Variants in STARD13 observed in about 807,000 individuals in gnomAD.
STARD13 encodes the protein StAR related lipid transfer domain containing 13, also known as stAR-related lipid transfer protein 13.
In STARD13, 62 loss-of-function variants were observed where a neutral mutation model predicts 106.4. The ratio of observed to expected loss-of-function variants is 0.58; its 90% CI spans 0.48 to 0.72. STARD13 has a LOEUF of 0.72. STARD13 is among the 30% of genes least tolerant of loss of function. STARD13 has a pLI of 0.00. For synonymous variants in STARD13, 565 were observed against 553.0 expected, an observed-to-expected ratio of 1.02 and a Z score of -0.31; for missense variants, 1,387 against 1,424.0, an observed-to-expected ratio of 0.97 and a Z score of 0.42.
the STARD13 span, among the ~76,000 whole-genome samples, chr13:33,601,537 G>A: frequency 1.3e-5 from 2 of 152,264 alleles, no homozygotes; most frequent in East Asian, 3.9e-4. Flanking sequence ...CTGCTTTAAT[G>A]TTAGGCTTTC....
At chr13:33,223,588 G>A (rs1055022917) in intron 1 of STARD13, among the ~76,000 whole-genome samples, 2 of 152,044 alleles carry the variant, frequency 1.3e-5, no homozygotes, top group Non-Finnish European at 2.9e-5. Context: ...GAACCTGGGA[G>A]GTGGAGGTTG....
At chr13:33,411,824 C>T in the STARD13 span, among the ~76,000 whole-genome samples, 5 of 152,034 alleles carry the variant, frequency 3.3e-5, no homozygotes, top group Non-Finnish European at 7.4e-5. Context: ...TTTTCAAGTG[C>T]TGAAAGAAAT....
chr13:33,554,361 G>C, the STARD13 span, among the ~76,000 whole-genome samples: 1 of 152,148 alleles, frequency 6.6e-6, no homozygotes, highest in Admixed American at 6.5e-5. Context: ...CAATTTTGTA[G>C]CTGATTCGCA....
the STARD13 span, among the ~76,000 whole-genome samples, chr13:33,506,553 A>T: frequency 6.6e-6 from 1 of 152,310 alleles, no homozygotes; most frequent in African/African-American, 2.4e-5. Context: ...GATATTTTTG[A>T]TGTCATATAA....
the STARD13 span, among the ~76,000 whole-genome samples, chr13:33,361,072 C>T: frequency 4.0e-5 from 6 of 150,468 alleles, no homozygotes; most frequent in East Asian, 9.9e-4. Flanking sequence ...CCCAAAGTGC[C>T]GGGATTACAG....
chr13:33,105,867 T>A (rs1214708918), intron 13 of STARD13, among the ~76,000 whole-genome samples, 157 bp from the exon 14 acceptor site: 1 of 152,262 alleles, frequency 6.6e-6, no homozygotes, highest in African/African-American at 2.4e-5. Flanking sequence ...CATTCTGCCA[T>A]CAGGGGCCTT....
At chr13:33,280,663 T>C (rs149075584) in intron 1 of STARD13, 10 of 152,272 alleles carry the variant, frequency 6.6e-5, no homozygotes, top group African/African-American at 2.2e-4. Context: ...ACATTCCTAT[T>C]ACATCGATAT....
intron 1 of STARD13, chr13:33,277,575 A>C (rs1016343568): frequency 6.6e-6 from 1 of 152,130 alleles, no homozygotes; most frequent in Non-Finnish European, 1.5e-5. Flanking sequence ...ACTTCTGAAG[A>C]GTTTCTTGCT....
At chr13:33,662,893 A>G in the STARD13 span, among the ~76,000 whole-genome samples, 1 of 152,250 alleles carries the variant, frequency 6.6e-6, no homozygotes, top group African/African-American at 2.4e-5. Flanking sequence ...TTTGGTTTCC[A>G]TAGCAGTAAA....
intron 3 of STARD13, among the ~76,000 whole-genome samples, chr13:33,163,686 T>TATATATATATATAACATATATATAAAAC (rs1566038819): frequency 1.4e-3 from 92 of 64,858 alleles, no homozygotes; most frequent in Non-Finnish European, 1.2e-3. Context: ...ATATAAAACA[T>TATATATATATATAACATATATATAAAAC]ATATATATAT....
At chr13:33,649,375 C>G in the STARD13 span, among the ~76,000 whole-genome samples, 4 of 152,246 alleles carry the variant, frequency 2.6e-5, no homozygotes, top group East Asian at 5.8e-4. Context: ...CTTTGAGAGG[C>G]CTTCTCTGAT....
At position 33,118,202 on chromosome 13, in the gene STARD13, T is replaced by C; in HGVS notation, c.2144A>G (p.Glu715Gly). ...SRIHALRQMN[E>G]NFPENVNYED... ...ATAGTTGACGTTCTCAGGGAAGTTT[T>C]CATTCATTTGGCGAAGGGCATGGAT... The change falls in exon 8 of 14, where the codon GAA (glutamate) becomes GGA (glycine). Residue 715 changes from glutamate to glycine, a missense_variant. Transcript: ENST00000336934. The C allele has an allele frequency of 1.2e-6, 2 of 1,614,216 alleles. No individual in the cohort carries two copies. Among genetic ancestry groups the C allele is most frequent in the Non-Finnish European group, 1.7e-6 (2 of 1,180,036 alleles).
At chr13:33,155,441 T>A (rs1272066767) in intron 3 of STARD13, 1 of 152,244 alleles carries the variant, frequency 6.6e-6, no homozygotes, top group Non-Finnish European at 1.5e-5. Context: ...AGGCATTTTT[T>A]AAAACATTGC....
chr13:33,175,224 A>G (rs566361733), intron 1 of STARD13, among the ~76,000 whole-genome samples: 22 of 152,258 alleles, frequency 1.4e-4, no homozygotes, highest in Non-Finnish European at 2.6e-4. Context: ...GATTGTTCCA[A>G]TCAGGCGCTT....
the STARD13 span, among the ~76,000 whole-genome samples, chr13:33,444,718 G>T: frequency 6.6e-6 from 1 of 152,278 alleles, no homozygotes; most frequent in East Asian, 1.9e-4. Context: ...CAGTGAGCCA[G>T]TGTTCCCACC....
intron 1 of STARD13, among the ~76,000 whole-genome samples, chr13:33,258,609 C>A (rs1398151597): frequency 6.6e-6 from 1 of 152,166 alleles, no homozygotes; most frequent in Non-Finnish European, 1.5e-5. Flanking sequence ...TTCCGAGAAC[C>A]ATTCTTGCAA....
chr13:33,672,819 A>G, the STARD13 span, among the ~76,000 whole-genome samples: 3 of 152,248 alleles, frequency 2.0e-5, no homozygotes, highest in African/African-American at 7.2e-5. Flanking sequence ...CGACTAAATA[A>G]CATGCTATCC....
intron 1 of STARD13, 78 bp downstream of exon 1, chr13:33,285,391 AC>A: frequency 6.9e-7 from 1 of 1,455,836 alleles, no homozygotes; most frequent in Non-Finnish European, 9.3e-7. Flanking sequence ...AAACAAACAA[AC>A]AAAAAAAACT....
intron 1 of STARD13, among the ~76,000 whole-genome samples, chr13:33,263,957 A>T (rs2138334556): frequency 6.6e-6 from 1 of 152,354 alleles, no homozygotes; most frequent in South Asian, 2.1e-4. Context: ...AAAAGTGAAG[A>T]GGCAACTTCC....
Sources: allele counts gnomAD v4.1 joint callset (sites outside exome capture counted in the v4.1 genomes callset), GRCh38; gene constraint gnomAD v4.1.1; transcripts MANE v1.5; gene names NCBI Gene and HGNC (gene_info 2026-07-23, HGNC 2026-07-21).